IL1RL2: variants seen among roughly 807,000 people sequenced by gnomAD.
IL1RL2 encodes interleukin-1 receptor-like 2.
A neutral mutation model predicts 66.8 loss-of-function variants in IL1RL2; 68 were observed. The ratio of observed to expected loss-of-function variants is 1.02; its 90% CI spans 0.84 to 1.25. The LOEUF (loss-of-function observed/expected upper bound fraction) is 1.25, where lower values mean the gene tolerates loss of function less well. Among genes scored for constraint, IL1RL2 ranks in the 50% most tolerant of loss-of-function variants. IL1RL2 has a pLI of 0.00. For synonymous variants in IL1RL2, 305 were observed against 264.6 expected, an observed-to-expected ratio of 1.15 and a Z score of -1.48; for missense variants, 729 against 709.3, an observed-to-expected ratio of 1.03 and a Z score of -0.32.
Position 102,187,872 on chromosome 2 carries a change from G to A in IL1RL2, c.5G>A (p.Trp2Ter). 6.2e-7 allele frequency: 1 copy of A among 1,613,912 alleles called. No individual in the cohort carries two copies. The highest frequency in any genetic ancestry group is 8.5e-7 in the Non-Finnish European group (1 of 1,179,870). The stretch of plus-strand genomic sequence containing the variant: ...TCCTTGCAGCCCGGTTTGGGGATGT[G>A]GTCCTTGCTGCTCTGCGGGTTGTCC... M[W>*]SLLLCGLSIA... is the part of the protein sequence containing the mutation. The change falls in exon 2 of 12, where the codon TGG (tryptophan) becomes TAG (stop). Residue 2 changes from tryptophan (W) to a stop codon, truncating the protein, a stop_gained. Coordinates refer to ENST00000264257, the MANE Select transcript of IL1RL2 (RefSeq NM_003854.4). LOFTEE classifies it high-confidence loss of function.
intron 5 of IL1RL2, 110 bp from the exon 6 acceptor site, chr2:102,211,990 C>G (rs1415952288): frequency 9.4e-6 from 6 of 640,358 alleles, no homozygotes; most frequent in Non-Finnish European, 1.6e-5. Context: ...AGATTTTGAC[C>G]AGAGCTTATT....
At chr2:102,207,559 C>T (rs976488702) in intron 5 of IL1RL2, among the ~76,000 whole-genome samples, 4 of 152,110 alleles carry the variant, frequency 2.6e-5, no homozygotes, top group Non-Finnish European at 5.9e-5. Context: ...ACAGGGGCTT[C>T]ATGACTCTGA....
At position 102,187,072 on chromosome 2, in the gene IL1RL2, C is replaced by T; in HGVS notation, c.-27C>T. The T allele has an allele frequency of 5.4e-6, 7 of 1,289,890 alleles. No homozygotes were observed. The highest frequency in any genetic ancestry group is 7.1e-6 in the Non-Finnish European group (7 of 988,862). 79.9% of individuals were successfully genotyped at this position (1,289,890 alleles called of 1,614,324 possible). A position where few individuals can be genotyped will look rare whatever the true frequency, so the allele number is the denominator to read the frequency against. On this transcript the variant is annotated 5_prime_UTR_variant, in exon 1 of 12. Coordinates refer to ENST00000264257, the MANE Select transcript of IL1RL2 (RefSeq NM_003854.4). ...ACTCTCCACGAGGTCCTGCGCGCTT[C>T]AATCCTGCAGGCAGGTAGACACCGG...
intron 4 of IL1RL2, among the ~76,000 whole-genome samples, chr2:102,200,055 G>A (rs1688115394): frequency 6.6e-6 from 1 of 150,524 alleles, no homozygotes; most frequent in South Asian, 2.1e-4. Context: ...TACTCGGGAG[G>A]CTGGAGTGGG....
chr2:102,188,903 A>AT (rs1229951942), intron 2 of IL1RL2, among the ~76,000 whole-genome samples, 173 bp from the exon 3 acceptor site: 1 of 152,204 alleles, frequency 6.6e-6, no homozygotes, highest in Non-Finnish European at 1.5e-5. Context: ...AGAACTTGGA[A>AT]TTATACTTTA....
chr2:102,187,240 G>A lies in IL1RL2; in HGVS notation c.-13+154G>A, dbSNP rs112670053. ...GCCCCCGACCGGCTAGGTGACCATG[G>A]GGGAGCCGACTCCGTCTCTGGGTCG... On this transcript the variant is annotated intron_variant, in intron 1 of 11. Transcript: ENST00000264257. 43 of 1,192,576 alleles carry A rather than the reference G, an allele frequency of 3.6e-5. No homozygotes were observed. The African/African-American group carries it at 5.2e-4, about 15-fold the overall frequency. The allele number at this position is 1,192,576 out of a possible 1,614,324, so 73.9% of individuals were successfully genotyped here.
rs533579852 is a variant in IL1RL2, at chr2:102,207,033, C to T, written c.650-5067C>T. Among the ~76,000 whole-genome samples, 18 of 152,308 alleles carry T rather than the reference C, an allele frequency of 1.2e-4. No homozygotes were observed. In the Middle Eastern group the frequency reaches 0.01, roughly 86 times the overall value. On this transcript the variant is annotated intron_variant, in intron 5 of 11. Coordinates refer to ENST00000264257, the MANE Select transcript of IL1RL2 (RefSeq NM_003854.4). ...CAGCATCCATAGCCAGTGCCACAGC[C>T]GGCCACAAGGAGTACTGCCAGACTA...
intron 11 of IL1RL2, 55 bp downstream of exon 11, chr2:102,235,332 T>A (rs1275613507): frequency 3.8e-6 from 6 of 1,569,242 alleles, no homozygotes; most frequent in Non-Finnish European, 3.5e-6. Context: ...GGTCTATCAT[T>A]GCGTGGTGGC....
intron 4 of IL1RL2, among the ~76,000 whole-genome samples, chr2:102,200,122 A>AG (rs984853256): frequency 7.8e-6 from 1 of 128,954 alleles, no homozygotes; most frequent in Non-Finnish European, 1.7e-5. Context: ...TCCAGCAAAA[A>AG]AAAAAAAAAA....
intron 4 of IL1RL2, among the ~76,000 whole-genome samples, chr2:102,197,316 C>A (rs891504980): frequency 1.3e-5 from 2 of 151,994 alleles, no homozygotes; most frequent in Admixed American, 6.6e-5. Flanking sequence ...CGGAGGGCTG[C>A]AGAGTTGAGG....
intron 7 of IL1RL2, 23 bp downstream of exon 7, chr2:102,219,105 T>G: frequency 1.2e-6 from 2 of 1,613,290 alleles, no homozygotes; most frequent in East Asian, 2.2e-5. Flanking sequence ...CTTTTTTGAC[T>G]TCTCTAAACG....
At chr2:102,188,018 A>ACT in intron 2 of IL1RL2, 93 bp downstream of exon 2, 1 of 1,297,224 alleles carries the variant, frequency 7.7e-7, no homozygotes, top group Non-Finnish European at 1.1e-6. Context: ...CGTCAGCCCG[A>ACT]GCGCGGCTCC....
chr2:102,227,538 C>T (rs1020659188), intron 9 of IL1RL2, among the ~76,000 whole-genome samples: 6 of 152,116 alleles, frequency 3.9e-5, no homozygotes, highest in Non-Finnish European at 8.8e-5. Flanking sequence ...TGAAGTGCTG[C>T]TAGTACTGTG....
At chr2:102,218,839 G>C in intron 6 of IL1RL2, 114 bp from the exon 7 acceptor site, 1 of 876,924 alleles carries the variant, frequency 1.1e-6, no homozygotes, top group Non-Finnish European at 1.7e-6. Context: ...GCTATTTCTG[G>C]TAATCAAAAG....
rs760832097 is a variant in IL1RL2, at chr2:102,189,259, T to A, written c.242T>A (p.Leu81Ter). ...SRIHQDETWILFLPMEWGDSG... is the reference protein window; with the variant it reads ...SRIHQDETWI ...ATTCACCAGGACGAGACTTGGATTTTGTTTCTCCCCATGGAATGGGGGGAC... is the reference window on the plus strand; with the variant it reads ...ATTCACCAGGACGAGACTTGGATTTAGTTTCTCCCCATGGAATGGGGGGAC... Residue 81 changes from leucine to a stop codon, truncating the protein, a stop_gained, in exon 3 of 12, where the codon TTG (leucine) becomes TAG (stop). Transcript: ENST00000264257. LOFTEE classifies it high-confidence loss of function. The A allele has an allele frequency of 6.2e-7, 1 of 1,613,950 alleles. No homozygotes were observed. The highest frequency in any genetic ancestry group is 1.1e-5 in the South Asian group (1 of 91,076).
At chr2:102,195,713 C>T (rs1412925285) in intron 4 of IL1RL2, among the ~76,000 whole-genome samples, 19 of 99,892 alleles carry the variant, frequency 1.9e-4, no homozygotes, top group East Asian at 6.0e-4. Flanking sequence ...TTCTTTCTTT[C>T]TTTTTTTTTT....
chr2:102,219,088 T>C lies in IL1RL2; in HGVS notation c.854+6T>C, dbSNP rs1689866536. 6.2e-7 allele frequency: 1 copy of C among 1,613,554 alleles called. No homozygotes were observed. The highest frequency in any genetic ancestry group is 8.5e-7 in the Non-Finnish European group (1 of 1,179,702). Reference sequence around the variant, plus strand: ...CGAATCAGAGAAGGGGTGGAGTAGGTGTTTTGCTTTTTTGACTTCTCTAAA... The same window carrying C: ...CGAATCAGAGAAGGGGTGGAGTAGGCGTTTTGCTTTTTTGACTTCTCTAAA... On this transcript the variant is annotated splice_donor_region_variant and intron_variant, in intron 7 of 11. Coordinates refer to ENST00000264257, the MANE Select transcript of IL1RL2 (RefSeq NM_003854.4).
intron 6 of IL1RL2, 147 bp from the exon 7 acceptor site, chr2:102,218,806 G>A: frequency 1.4e-6 from 1 of 698,502 alleles, no homozygotes; most frequent in Non-Finnish European, 2.3e-6. Context: ...AAAGAAAAAA[G>A]TAGATTAACA....
rs1275158725 is a variant in IL1RL2, at chr2:102,191,863, T to G, written c.294-62T>G. 6 of 1,132,796 alleles carry G rather than the reference T, an allele frequency of 5.3e-6. No homozygotes were observed. The East Asian group carries it at 1.5e-4, about 28-fold the overall frequency. The allele number at this position is 1,132,796 out of a possible 1,614,324, so 70.2% of individuals were successfully genotyped here. On this transcript the variant is annotated intron_variant, in intron 3 of 11. Transcript: ENST00000264257. ...TGATTTGAAAACATTTGAAAATGAGTGGAATTATTTGATTTTGTGATTTGT... is the reference window on the plus strand; with the variant it reads ...TGATTTGAAAACATTTGAAAATGAGGGGAATTATTTGATTTTGTGATTTGT...
Sources: allele counts gnomAD v4.1 joint callset (sites outside exome capture counted in the v4.1 genomes callset), GRCh38; gene constraint gnomAD v4.1.1; transcripts MANE v1.5; gene names NCBI Gene and HGNC (gene_info 2026-07-23, HGNC 2026-07-21).